The following CNTN1 variants were observed in gnomAD, a reference collection of about 807,000 sequenced individuals.
CNTN1 encodes contactin 1.
In CNTN1, 38 loss-of-function variants were observed where a neutral mutation model predicts 126.4. The observed-to-expected ratio is 0.30, with a 90% CI of 0.23 to 0.39. The LOEUF is 0.39. Ranked by LOEUF, CNTN1 falls within the 10% of genes least tolerant of loss-of-function variation. The pLI is 1.00. For missense variants in CNTN1, 1,009 were observed against 1,248.4 expected, an observed-to-expected ratio of 0.81 and a Z score of 2.89; for synonymous variants, 413 against 422.6, an observed-to-expected ratio of 0.98 and a Z score of 0.28.
intron 12 of CNTN1, among the ~76,000 whole-genome samples, chr12:40,941,202 T>A (rs1946253647): frequency 6.6e-6 from 1 of 152,192 alleles, no homozygotes; most frequent in Admixed American, 6.6e-5. Context: ...ATTTCCTTGA[T>A]TAAAGAGTCT....
intron 23 of CNTN1, among the ~76,000 whole-genome samples, chr12:41,048,960 T>C (rs1949610721): frequency 6.6e-6 from 1 of 152,176 alleles, no homozygotes; most frequent in African/African-American, 2.4e-5. Flanking sequence ...CACAACACCC[T>C]GTCAAAACAG....
chr12:40,841,328 A>C (rs1942271821), intron 1 of CNTN1, among the ~76,000 whole-genome samples: 1 of 151,998 alleles, frequency 6.6e-6, no homozygotes, highest in Admixed American at 6.6e-5. Context: ...ATCAGATGGA[A>C]TCACAGTTGA....
intron 16 of CNTN1, among the ~76,000 whole-genome samples, chr12:40,986,206 T>A (rs1033235918): frequency 2.0e-5 from 3 of 152,180 alleles, no homozygotes; most frequent in African/African-American, 7.2e-5. Context: ...CATCTTAAAG[T>A]CTAGCTCTGT....
At position 40,930,014 on chromosome 12, in the gene CNTN1, A is replaced by G; in HGVS notation, c.703+12A>G. Reference sequence around the variant, plus strand: ...TCCAATACCTGAACGTAAGTATTTTATTTGTTACACTCTGTTTTCGCAAGG... The same window carrying G: ...TCCAATACCTGAACGTAAGTATTTTGTTTGTTACACTCTGTTTTCGCAAGG... On this transcript the variant is annotated intron_variant, in intron 7 of 23. Coordinates refer to ENST00000551295, the MANE Select transcript of CNTN1 (RefSeq NM_001843.4). The G allele has an allele frequency of 6.3e-7, 1 of 1,589,420 alleles. No homozygotes were observed. The highest frequency in any genetic ancestry group is 8.6e-7 in the Non-Finnish European group (1 of 1,157,874).
chr12:40,716,041 C>G (rs1428393122), intron 1 of CNTN1, among the ~76,000 whole-genome samples: 1 of 152,024 alleles, frequency 6.6e-6, no homozygotes, highest in Admixed American at 6.5e-5. Context: ...TCAGGCACTA[C>G]AGAGGGCATT....
Position 40,980,448 on chromosome 12 carries a change from C to CAAA in CNTN1, c.1805-447_1805-445dup, listed in dbSNP as rs5797694. 1.7e-4 allele frequency among the ~76,000 whole-genome samples: 22 copies of CAAA among 128,566 alleles called. No individual in the cohort carries two copies. The South Asian group carries it at 3.8e-3, about 22-fold the overall frequency. The allele number at this position is 128,566 out of a possible 152,430, so 84.3% of individuals were successfully genotyped here. On this transcript the variant is annotated intron_variant, in intron 15 of 23. Transcript: ENST00000551295. ...TGGGTGACAGAGTGAGACCCTAACT[C>CAAA]AAAAAAAAAAAAAAAAGCCACAAAG...
intron 5 of CNTN1, 102 bp downstream of exon 5, chr12:40,922,530 G>A: frequency 1.8e-5 from 20 of 1,095,582 alleles, no homozygotes; most frequent in Non-Finnish European, 2.5e-5. Context: ...TCATAGATGA[G>A]GTGGATCTTA....
intron 23 of CNTN1, among the ~76,000 whole-genome samples, chr12:41,051,145 CT>C (rs58479316): frequency 0.02 from 2,407 of 120,378 alleles, 14 homozygotes; most frequent in East Asian, 0.029. Context: ...GCTTTGTGAT[CT>C]TTTTTTTTTT....
chr12:40,875,601 G>A (rs1943641852), intron 1 of CNTN1, among the ~76,000 whole-genome samples: 1 of 151,986 alleles, frequency 6.6e-6, no homozygotes, highest in Admixed American at 6.6e-5. Flanking sequence ...CCATTATATA[G>A]GATTTCATTA....
At chr12:40,957,446 C>T (rs961270285) in intron 14 of CNTN1, among the ~76,000 whole-genome samples, 11 of 86,364 alleles carry the variant, frequency 1.3e-4, no homozygotes, top group African/African-American at 6.3e-4. Flanking sequence ...ATTTACCCTA[C>T]CTTTTTTTTT....
At chr12:40,780,385 G>A (rs899785474) in intron 1 of CNTN1, among the ~76,000 whole-genome samples, 2 of 151,758 alleles carry the variant, frequency 1.3e-5, no homozygotes, top group Non-Finnish European at 2.9e-5. Flanking sequence ...CAAAATATTC[G>A]AGAAGAAAAT....
intron 23 of CNTN1, among the ~76,000 whole-genome samples, chr12:41,029,715 G>A (rs868104679): frequency 3.9e-5 from 6 of 151,938 alleles, no homozygotes; most frequent in Admixed American, 3.3e-4. Context: ...AAATACACTA[G>A]GCTATTTTTA....
intron 23 of CNTN1, chr12:41,061,809 A>G: frequency 2.2e-6 from 1 of 455,958 alleles, no homozygotes; most frequent in Non-Finnish European, 4.4e-6. Flanking sequence ...AGATCACAGA[A>G]GCATCAGAAC....
rs140034129 is a variant in CNTN1 at position 40,769,169 on chromosome 12, T to C, written c.-77+76577T>C. Among the ~76,000 whole-genome samples, 191 of 152,212 alleles carry C rather than the reference T, an allele frequency of 1.3e-3. 1 individual carries two copies. Among genetic ancestry groups the C allele is most frequent in the African/African-American group, 4.5e-3 (189 of 41,548 alleles). On this transcript the variant is annotated intron_variant, in intron 1 of 23. Transcript: ENST00000551295. ...TATAAAGTATTCATTATTGTTATTT[T>C]CATTCCTAGATTCAACATGCTTTAA...
chr12:40,960,265 C>T (rs1422010220), intron 15 of CNTN1, among the ~76,000 whole-genome samples: 2 of 151,522 alleles, frequency 1.3e-5, no homozygotes, highest in Non-Finnish European at 2.9e-5. Context: ...TGCATTGTTT[C>T]GTAGCTCTCT....
At chr12:40,988,443 T>C (rs949425589) in intron 16 of CNTN1, among the ~76,000 whole-genome samples, 2 of 152,170 alleles carry the variant, frequency 1.3e-5, no homozygotes, top group Admixed American at 6.6e-5. Context: ...TGACACAATC[T>C]GTTTTTTAGT....
chr12:41,018,882 C>A (rs280360), intron 19 of CNTN1, among the ~76,000 whole-genome samples: 1 of 151,882 alleles, frequency 6.6e-6, no homozygotes, highest in Non-Finnish European at 1.5e-5. Context: ...CTTGGCTGAG[C>A]GTGGTGGCTC....
chr12:41,043,772 G>A lies in CNTN1; in HGVS notation c.2980+14553G>A, dbSNP rs1169036118. On this transcript the variant is annotated intron_variant, in intron 23 of 23. Transcript: ENST00000551295. Reference sequence around the variant, plus strand: ...CCCAAATGTCCAACAATGATAGACTGGATTAAGAAAATGTGGCACATATAC... The same window carrying A: ...CCCAAATGTCCAACAATGATAGACTAGATTAAGAAAATGTGGCACATATAC... Among the ~76,000 whole-genome samples the A allele has an allele frequency of 4.6e-5, 7 of 151,532 alleles. No homozygotes were observed. The South Asian group carries it at 1.5e-3, about 32-fold the overall frequency.
chr12:40,924,333 G>T (rs1244149154), intron 5 of CNTN1, among the ~76,000 whole-genome samples: 4 of 152,080 alleles, frequency 2.6e-5, no homozygotes, highest in African/African-American at 7.2e-5. Flanking sequence ...TATGCAGGCT[G>T]CTCCCAATAT....
Sources: gnomAD v4.1 joint callset for allele counts (sites outside exome capture counted in the v4.1 genomes callset) on GRCh38, gnomAD v4.1.1 for gene constraint, MANE v1.5 for transcripts, NCBI Gene and HGNC (gene_info 2026-07-23, HGNC 2026-07-21) for gene names.